Variants in ADAMTS6 observed in about 807,000 individuals in gnomAD.
ADAMTS6 encodes the protein ADAM metallopeptidase with thrombospondin type 1 motif 6, also known as A disintegrin and metalloproteinase with thrombospondin motifs 6.
Under a neutral mutation model 144.3 loss-of-function variants are expected in ADAMTS6, and 23 were observed. That is an observed-to-expected ratio of 0.16 (90% confidence interval 0.11 to 0.23). The LOEUF (loss-of-function observed/expected upper bound fraction) is 0.23. Ranked by LOEUF, ADAMTS6 falls within the 10% of genes least tolerant of loss-of-function variation. The pLI is 1.00. For missense variants in ADAMTS6, 999 were observed against 1,379.6 expected, an observed-to-expected ratio of 0.72 and a Z score of 4.37; for synonymous variants, 444 against 457.5, an observed-to-expected ratio of 0.97 and a Z score of 0.38.
At chr5:65,157,939 A>G (rs1233672159) in intron 24 of ADAMTS6, among the ~76,000 whole-genome samples, 2 of 152,176 alleles carry the variant, frequency 1.3e-5, no homozygotes, top group Non-Finnish European at 2.9e-5. Context: ...CGAACTTTAC[A>G]CTGATTTCAA....
chr5:65,152,212 CTG>C (rs1412255974), intron 24 of ADAMTS6, among the ~76,000 whole-genome samples: 1 of 152,222 alleles, frequency 6.6e-6, no homozygotes, highest in Non-Finnish European at 1.5e-5. Flanking sequence ...TGTATGCCCA[CTG>C]TGTCTTGAAA....
chr5:65,248,816 T>C (rs1301988167), intron 14 of ADAMTS6, among the ~76,000 whole-genome samples: 1 of 152,122 alleles, frequency 6.6e-6, no homozygotes, highest in Non-Finnish European at 1.5e-5. Flanking sequence ...AGTTTTACTT[T>C]GTAATTTTTA....
chr5:65,265,886 T>TA (rs904726257), intron 12 of ADAMTS6, among the ~76,000 whole-genome samples: 5 of 150,914 alleles, frequency 3.3e-5, no homozygotes, highest in South Asian at 4.2e-4. Context: ...AAATTAGTGG[T>TA]AAAAAAAAAT....
At chr5:65,467,027 C>CA (rs1760079012) in intron 3 of ADAMTS6, among the ~76,000 whole-genome samples, 2 of 142,056 alleles carry the variant, frequency 1.4e-5, no homozygotes, top group Admixed American at 6.9e-5. Context: ...GGCGACAGAG[C>CA]AGACTCCGTC....
intron 15 of ADAMTS6, among the ~76,000 whole-genome samples, chr5:65,228,351 C>T (rs1757879550): frequency 6.6e-6 from 1 of 151,990 alleles, no homozygotes; most frequent in Non-Finnish European, 1.5e-5. Flanking sequence ...ATTCCTTAGC[C>T]CACTATACTA....
chr5:65,171,026 T>TC (rs1753591409), intron 23 of ADAMTS6, among the ~76,000 whole-genome samples: 2 of 151,796 alleles, frequency 1.3e-5, no homozygotes, highest in African/African-American at 4.8e-5. Context: ...TTTTTTTTTT[T>TC]TGAGACAGAG....
At chr5:65,480,406 C>G (rs1269254905) in intron 1 of ADAMTS6, among the ~76,000 whole-genome samples, 1 of 151,946 alleles carries the variant, frequency 6.6e-6, no homozygotes, top group Non-Finnish European at 1.5e-5. Flanking sequence ...ATTCAGCAGC[C>G]CATTTCCAGA....
At position 65,243,539 on chromosome 5, in the gene ADAMTS6, A is replaced by T. The variant is rs1759376474; in HGVS notation, c.1831-1333T>A. On this transcript the variant is annotated intron_variant, in intron 14 of 24. Coordinates refer to ENST00000381055, the MANE Select transcript of ADAMTS6 (RefSeq NM_197941.4). ...ATTAAAATATGACATTCCAATGCCA[A>T]ATCTAGTGATTAATCTTGTTAAATT... is the stretch of plus-strand genomic sequence containing the variant. Among the ~76,000 whole-genome samples the T allele has an allele frequency of 2.0e-5, 3 of 152,136 alleles. No homozygotes were observed. The South Asian group carries it at 6.2e-4, about 31-fold the overall frequency.
chr5:65,210,019 G>T, intron 20 of ADAMTS6: 1 of 209,390 alleles, frequency 4.8e-6, no homozygotes, highest in East Asian at 1.1e-4. Flanking sequence ...ATATGTAAGG[G>T]GATATGATAG....
intron 8 of ADAMTS6, among the ~76,000 whole-genome samples, chr5:65,332,814 T>C (rs1390898216): frequency 6.6e-6 from 1 of 152,092 alleles, no homozygotes; most frequent in African/African-American, 2.4e-5. Flanking sequence ...ACAAAGTAAA[T>C]CTTTTTGATG....
intron 7 of ADAMTS6, among the ~76,000 whole-genome samples, chr5:65,353,369 G>T (rs933515723): frequency 3.3e-5 from 5 of 152,036 alleles, no homozygotes; most frequent in Non-Finnish European, 5.9e-5. Flanking sequence ...GGGCTGGGAA[G>T]TAGTAAACTT....
At chr5:65,310,120 C>T (rs933684513) in intron 9 of ADAMTS6, among the ~76,000 whole-genome samples, 1 of 151,788 alleles carries the variant, frequency 6.6e-6, no homozygotes, top group African/African-American at 2.4e-5. Flanking sequence ...TCCTCCCTCT[C>T]TCTCTTGCTC....
intron 18 of ADAMTS6, among the ~76,000 whole-genome samples, chr5:65,220,487 G>C (rs1757243141): frequency 6.6e-6 from 1 of 152,158 alleles, no homozygotes; most frequent in African/African-American, 2.4e-5. Flanking sequence ...GCTCACGCCT[G>C]TAATCCCAGC....
At chr5:65,401,720 G>C (rs919498675) in intron 7 of ADAMTS6, among the ~76,000 whole-genome samples, 2 of 152,008 alleles carry the variant, frequency 1.3e-5, no homozygotes, top group African/African-American at 4.8e-5. Flanking sequence ...TCCAATTTTG[G>C]GAGACACTGT....
chr5:65,207,852 G>A (rs765509758), intron 20 of ADAMTS6, among the ~76,000 whole-genome samples: 1 of 152,166 alleles, frequency 6.6e-6, no homozygotes, highest in Non-Finnish European at 1.5e-5. Flanking sequence ...TTTTAGCTCT[G>A]TATCAGATAA....
chr5:65,252,915 A>C (rs145038832), intron 14 of ADAMTS6, among the ~76,000 whole-genome samples: 89 of 152,062 alleles, frequency 5.9e-4, no homozygotes, highest in African/African-American at 2.0e-3. Context: ...ATTTGTTGAG[A>C]CAGGGTCTCT....
chr5:65,372,632 A>T lies in ADAMTS6; in HGVS notation c.1074-38547T>A, dbSNP rs1346789682. Among the ~76,000 whole-genome samples the T allele has an allele frequency of 3.3e-5, 5 of 151,912 alleles. No homozygotes were observed. In the South Asian group the frequency reaches 6.2e-4, roughly 19 times the overall value. On this transcript the variant is annotated intron_variant, in intron 7 of 24. Coordinates refer to ENST00000381055, the MANE Select transcript of ADAMTS6 (RefSeq NM_197941.4). ...CAAGTCCTGAGTGACCTACAAAGAG[A>T]CTTAGACTCCCACGCATTAATAATG...
chr5:65,184,428 T>G (rs1385700892), intron 22 of ADAMTS6, among the ~76,000 whole-genome samples: 1 of 152,156 alleles, frequency 6.6e-6, no homozygotes, highest in Non-Finnish European at 1.5e-5. Flanking sequence ...CCCTTGTAGG[T>G]AGATTTTCCC....
chr5:65,265,666 T>C (rs892172111), intron 12 of ADAMTS6, among the ~76,000 whole-genome samples: 1 of 152,022 alleles, frequency 6.6e-6, no homozygotes, highest in African/African-American at 2.4e-5. Flanking sequence ...ATTGGAAACT[T>C]AGCATTATTG....
Sources: allele counts gnomAD v4.1 joint callset (sites outside exome capture counted in the v4.1 genomes callset), GRCh38; gene constraint gnomAD v4.1.1; transcripts MANE v1.5; gene names NCBI Gene and HGNC (gene_info 2026-07-23, HGNC 2026-07-21).